ADARB2: variants seen among roughly 807,000 people sequenced by gnomAD.
ADARB2 encodes the protein inactive double-stranded RNA-specific editase B2.
A neutral mutation model predicts 62.2 loss-of-function variants in ADARB2; 25 were observed. That is an observed-to-expected ratio of 0.40 (90% CI 0.29 to 0.56). ADARB2 has a LOEUF of 0.56. ADARB2 is among the 20% of genes least tolerant of loss of function. The pLI, the probability that ADARB2 is intolerant of heterozygous loss-of-function variation, is 0.43. For synonymous variants in ADARB2, 572 were observed against 500.8 expected, an observed-to-expected ratio of 1.14 and a Z score of -1.90; for missense variants, 1,071 against 1,077.4, an observed-to-expected ratio of 0.99 and a Z score of 0.08.
intron 1 of ADARB2, among the ~76,000 whole-genome samples, chr10:1,515,866 T>C (rs1055848341): frequency 1.3e-5 from 2 of 152,266 alleles, no homozygotes; most frequent in African/African-American, 4.8e-5. Flanking sequence ...CTTTGATTCT[T>C]CTTTGTGAGA....
intron 1 of ADARB2, among the ~76,000 whole-genome samples, chr10:1,728,014 G>A (rs189101695): frequency 6.8e-4 from 104 of 152,328 alleles, no homozygotes; most frequent in African/African-American, 2.3e-3. Context: ...TGTTCTTTCT[G>A]TATTGGTAGC....
chr10:1,382,994 A>G (rs1316246871), intron 1 of ADARB2, among the ~76,000 whole-genome samples: 1 of 152,196 alleles, frequency 6.6e-6, no homozygotes, highest in Non-Finnish European at 1.5e-5. Context: ...CTGGTCTAAG[A>G]GTCAAGAGTC....
At chr10:1,438,433 C>T (rs894980118) in intron 1 of ADARB2, among the ~76,000 whole-genome samples, 28 of 143,180 alleles carry the variant, frequency 2.0e-4, no homozygotes, top group Admixed American at 5.6e-4. Flanking sequence ...AGGCCCTTCA[C>T]TATGGGGCTC....
intron 1 of ADARB2, among the ~76,000 whole-genome samples, chr10:1,544,939 T>C (rs1292508091): frequency 5.3e-5 from 1 of 18,854 alleles, no homozygotes; most frequent in Non-Finnish European, 1.8e-4. Context: ...ATATGTGAAG[T>C]CTATAATAGC....
chr10:1,195,387 C>T (rs1447083201), intron 8 of ADARB2, among the ~76,000 whole-genome samples: 2 of 130,992 alleles, frequency 1.5e-5, no homozygotes, highest in African/African-American at 6.0e-5. Flanking sequence ...ATGCTGTACA[C>T]AGTTTTTTTT....
chr10:1,707,302 A>G (rs955661442), intron 1 of ADARB2, among the ~76,000 whole-genome samples: 11 of 152,202 alleles, frequency 7.2e-5, no homozygotes, highest in Admixed American at 4.6e-4. Context: ...GAAGACTCCG[A>G]AGGAGGAATA....
At chr10:1,273,462 C>T (rs898938149) in intron 3 of ADARB2, among the ~76,000 whole-genome samples, 2 of 152,188 alleles carry the variant, frequency 1.3e-5, no homozygotes, top group Non-Finnish European at 2.9e-5. Flanking sequence ...GCCCAAATCA[C>T]ACACAGTTGC....
chr10:1,546,995 A>G (rs1198374848), intron 1 of ADARB2, among the ~76,000 whole-genome samples: 2 of 152,242 alleles, frequency 1.3e-5, no homozygotes, highest in African/African-American at 4.8e-5. Context: ...TGTTAGGAAC[A>G]GGTCAGTAAA....
intron 1 of ADARB2, among the ~76,000 whole-genome samples, chr10:1,483,200 C>T (rs1026548275): frequency 2.0e-5 from 3 of 152,134 alleles, no homozygotes; most frequent in Non-Finnish European, 2.9e-5. Flanking sequence ...ATTTAAATTG[C>T]AGATTCAAAT....
chr10:1,506,878 C>T (rs1477317174), intron 1 of ADARB2, among the ~76,000 whole-genome samples: 1 of 152,188 alleles, frequency 6.6e-6, no homozygotes, highest in South Asian at 2.1e-4. Context: ...AACGTGAGGG[C>T]CCTGGTTTCG....
At chr10:1,570,765 G>A (rs976628131) in intron 1 of ADARB2, among the ~76,000 whole-genome samples, 31 of 152,124 alleles carry the variant, frequency 2.0e-4, no homozygotes, top group Non-Finnish European at 3.8e-4. Context: ...CTGGGAGGAC[G>A]GGGCAGATAG....
intron 5 of ADARB2, among the ~76,000 whole-genome samples, chr10:1,235,024 G>A (rs555128482): frequency 2.0e-5 from 3 of 152,148 alleles, no homozygotes; most frequent in Non-Finnish European, 2.9e-5. Flanking sequence ...TGGGATTACA[G>A]GCGAGAGCCA....
chr10:1,459,900 T>G (rs1345260060), intron 1 of ADARB2, among the ~76,000 whole-genome samples: 1 of 152,162 alleles, frequency 6.6e-6, no homozygotes, highest in African/African-American at 2.4e-5. Flanking sequence ...CTGGCTGACA[T>G]AATCTGTGCA....
chr10:1,485,326 G>A (rs1276378686), intron 1 of ADARB2, among the ~76,000 whole-genome samples: 3 of 152,078 alleles, frequency 2.0e-5, no homozygotes, highest in African/African-American at 7.2e-5. Flanking sequence ...AGGTGCACTT[G>A]TGAGCATGTG....
At chr10:1,373,555 G>A (rs1303010762) in intron 2 of ADARB2, among the ~76,000 whole-genome samples, 2 of 152,214 alleles carry the variant, frequency 1.3e-5, no homozygotes, top group African/African-American at 4.8e-5. Context: ...GCGTGTGTGT[G>A]TGCATTATGT....
At chr10:1,302,154 C>T (rs1488927743) in intron 3 of ADARB2, among the ~76,000 whole-genome samples, 1 of 152,176 alleles carries the variant, frequency 6.6e-6, no homozygotes, top group Non-Finnish European at 1.5e-5. Context: ...ACAGTGGGTG[C>T]AGGTCAGTGG....
intron 1 of ADARB2, among the ~76,000 whole-genome samples, chr10:1,671,617 C>A (rs776997597): frequency 1.6e-4 from 25 of 152,156 alleles, no homozygotes; most frequent in Non-Finnish European, 3.7e-4. Flanking sequence ...GTCACCTGTT[C>A]CAGTCCTGGG....
Position 1,482,934 on chromosome 10 carries a change from T to A in ADARB2, c.101-103774A>T, listed in dbSNP as rs111574112. Among the ~76,000 whole-genome samples, 333 of 152,344 alleles carry A rather than the reference T, an allele frequency of 2.2e-3. 3 individuals carry two copies. Among genetic ancestry groups the A allele is most frequent in the African/African-American group, 7.6e-3 (314 of 41,580 alleles). The stretch of plus-strand genomic sequence containing the variant: ...ATACTTGGGCTGCAAGGAAGCCCCA[T>A]GCTAAATTTGTAGCTCAACTTGTAA... On this transcript the variant is annotated intron_variant, in intron 1 of 9. Transcript: ENST00000381312.
chr10:1,259,519 A>G (rs1831113581), intron 4 of ADARB2, among the ~76,000 whole-genome samples: 1 of 152,222 alleles, frequency 6.6e-6, no homozygotes, highest in Admixed American at 6.5e-5. Flanking sequence ...TACTATAAAC[A>G]CTTCTACGCA....
Sources: allele counts gnomAD v4.1 joint callset (sites outside exome capture counted in the v4.1 genomes callset), GRCh38; gene constraint gnomAD v4.1.1; transcripts MANE v1.5; gene names NCBI Gene and HGNC (gene_info 2026-07-23, HGNC 2026-07-21).